Variants in GNAL observed in about 807,000 individuals in gnomAD.
GNAL encodes guanine nucleotide-binding protein G(olf) subunit alpha.
Under a neutral mutation model 55.1 loss-of-function variants are expected in GNAL, and 18 were observed. The ratio of observed to expected loss-of-function variants is 0.33; its 90% CI spans 0.23 to 0.48. The LOEUF (loss-of-function observed/expected upper bound fraction) is 0.48. GNAL is among the 20% of genes least tolerant of loss of function. The probability of loss-of-function intolerance (pLI) is 0.99; values close to 1 mark genes in which losing one functional copy is unlikely to be tolerated. For synonymous variants in GNAL, 253 were observed against 237.0 expected, an observed-to-expected ratio of 1.07 and a Z score of -0.62; for missense variants, 412 against 614.1, an observed-to-expected ratio of 0.67 and a Z score of 3.48.
At chr18:11,833,604 A>G (rs2035436361) in intron 5 of GNAL, 1 of 152,172 alleles carries the variant, frequency 6.6e-6, no homozygotes, top group African/African-American at 2.4e-5. Context: ...CAGAAAATCT[A>G]CTTACTTGGG....
intron 4 of GNAL, among the ~76,000 whole-genome samples, chr18:11,768,148 G>C (rs1463703717): frequency 6.6e-6 from 1 of 152,154 alleles, no homozygotes; most frequent in Non-Finnish European, 1.5e-5. Flanking sequence ...ACAGGAACTT[G>C]ACATGGCATT....
intron 5 of GNAL, among the ~76,000 whole-genome samples, chr18:11,843,060 A>G (rs1164247112): frequency 6.6e-6 from 1 of 152,180 alleles, no homozygotes; most frequent in East Asian, 1.9e-4. Flanking sequence ...GGCCAGGCAC[A>G]GTGGCTCATG....
chr18:11,748,759 AT>A (rs1379481725), intron 1 of GNAL, among the ~76,000 whole-genome samples: 1 of 152,164 alleles, frequency 6.6e-6, no homozygotes, highest in Non-Finnish European at 1.5e-5. Flanking sequence ...AAATCTTGAC[AT>A]TAAAAAAAAG....
chr18:11,741,885 T>C (rs1598422897), intron 1 of GNAL, among the ~76,000 whole-genome samples: 2 of 152,334 alleles, frequency 1.3e-5, no homozygotes, highest in East Asian at 3.9e-4. Flanking sequence ...ATATAAAATG[T>C]ACCATTTAAA....
At chr18:11,808,915 G>C (rs1477760211) in intron 4 of GNAL, among the ~76,000 whole-genome samples, 1 of 152,208 alleles carries the variant, frequency 6.6e-6, no homozygotes, top group Non-Finnish European at 1.5e-5. Flanking sequence ...GCCACATATT[G>C]TGTGACTCCA....
intron 4 of GNAL, among the ~76,000 whole-genome samples, chr18:11,778,219 CT>C (rs1297426908): frequency 2.6e-5 from 4 of 152,206 alleles, no homozygotes; most frequent in Non-Finnish European, 5.9e-5. Flanking sequence ...CATTTGACCA[CT>C]AGTAGTTTTC....
At position 11,750,738 on chromosome 18, in the gene GNAL, G is replaced by A. The variant is rs938375955; in HGVS notation, c.377-2115G>A. Among the ~76,000 whole-genome samples, 4 of 152,140 alleles carry A rather than the reference G, an allele frequency of 2.6e-5. No homozygotes were observed. The East Asian group carries it at 5.8e-4, about 22-fold the overall frequency. Reference sequence around the variant, plus strand: ...GGAGCAGCAGGAGGGGAATACAGGCGGAGTCAGACGACCTTTCTAACTCTT... The same window carrying A: ...GGAGCAGCAGGAGGGGAATACAGGCAGAGTCAGACGACCTTTCTAACTCTT... On this transcript the variant is annotated intron_variant, in intron 1 of 11. Transcript: ENST00000334049.
chr18:11,745,464 G>A (rs975962807), intron 1 of GNAL, among the ~76,000 whole-genome samples: 1 of 152,140 alleles, frequency 6.6e-6, no homozygotes, highest in African/African-American at 2.4e-5. Context: ...AAGTATAAAA[G>A]AAATTTAAAT....
chr18:11,806,524 G>C (rs1460494626), intron 4 of GNAL, among the ~76,000 whole-genome samples: 1 of 152,114 alleles, frequency 6.6e-6, no homozygotes, highest in Non-Finnish European at 1.5e-5. Context: ...TTTGTATATA[G>C]TGAGAGATAG....
intron 5 of GNAL, among the ~76,000 whole-genome samples, chr18:11,847,277 G>A (rs1280348325): frequency 1.3e-5 from 2 of 152,076 alleles, no homozygotes; most frequent in Non-Finnish European, 2.9e-5. Context: ...TGCAAACTGT[G>A]ATAAGTAGGA....
intron 4 of GNAL, among the ~76,000 whole-genome samples, chr18:11,790,413 A>G (rs370602572): frequency 5.3e-5 from 8 of 152,160 alleles, no homozygotes; most frequent in Admixed American, 3.9e-4. Context: ...GTCCTTGGGG[A>G]TGTGTTGTTT....
At chr18:11,724,264 GGGCAGC>G (rs2032162549) in intron 1 of GNAL, among the ~76,000 whole-genome samples, 2 of 152,134 alleles carry the variant, frequency 1.3e-5, no homozygotes, top group South Asian at 4.1e-4. Flanking sequence ...AAACTTACGG[GGGCAGC>G]GTTTTCAGGC....
chr18:11,867,252 A>G (rs200769422), intron 8 of GNAL, 26 bp downstream of exon 8: 6 of 1,433,680 alleles, frequency 4.2e-6, no homozygotes, highest in African/African-American at 1.4e-5. Flanking sequence ...TCTCTCAAGA[A>G]AATAGGAGTG....
intron 4 of GNAL, among the ~76,000 whole-genome samples, chr18:11,782,449 G>C (rs933225711): frequency 6.6e-6 from 1 of 152,142 alleles, no homozygotes; most frequent in East Asian, 1.9e-4. Context: ...TGTTTGTAAG[G>C]TTCAAAAAAC....
At chr18:11,705,322 T>C (rs978990174) in intron 1 of GNAL, among the ~76,000 whole-genome samples, 1 of 152,248 alleles carries the variant, frequency 6.6e-6, no homozygotes, top group African/African-American at 2.4e-5. Flanking sequence ...TTCCATTGTA[T>C]GTATGTTCCA....
intron 4 of GNAL, among the ~76,000 whole-genome samples, chr18:11,786,749 C>A (rs1017287630): frequency 2.0e-5 from 3 of 150,888 alleles, no homozygotes; most frequent in African/African-American, 7.3e-5. Context: ...CCGTGCCCGG[C>A]GATCTTCACA....
At chr18:11,795,376 G>GT (rs1461660554) in intron 4 of GNAL, among the ~76,000 whole-genome samples, 1 of 143,182 alleles carries the variant, frequency 7.0e-6, no homozygotes, top group Non-Finnish European at 1.5e-5. Flanking sequence ...GGGTAACAGA[G>GT]TGAGACCCTG....
chr18:11,841,847 A>G (rs891460732), intron 5 of GNAL, among the ~76,000 whole-genome samples: 11 of 152,298 alleles, frequency 7.2e-5, no homozygotes, highest in Non-Finnish European at 1.5e-4. Flanking sequence ...TTACTTACCT[A>G]TCCCCCATAC....
chr18:11,797,211 C>A (rs2034414065), intron 4 of GNAL, among the ~76,000 whole-genome samples: 1 of 152,002 alleles, frequency 6.6e-6, no homozygotes. Flanking sequence ...GGATTACAGG[C>A]GTGAGCCACC....
Sources: gnomAD v4.1 joint callset for allele counts (sites outside exome capture counted in the v4.1 genomes callset) on GRCh38, gnomAD v4.1.1 for gene constraint, MANE v1.5 for transcripts, NCBI Gene and HGNC (gene_info 2026-07-23, HGNC 2026-07-21) for gene names.